Variants in SIN3A observed in about 807,000 individuals in gnomAD.
The protein encoded by SIN3A is paired amphipathic helix protein Sin3a.
Under a neutral mutation model 146.1 loss-of-function variants are expected in SIN3A, and 14 were observed. The observed-to-expected ratio is 0.10, with a 90% CI of 0.06 to 0.15. SIN3A has a LOEUF of 0.15. SIN3A is among the 10% of genes least tolerant of loss of function. The pLI is 1.00. For missense variants in SIN3A, 1,028 were observed against 1,576.0 expected (o/e 0.65, Z 5.89); for synonymous variants, 572 against 572.0 (o/e 1.00, Z 0.00).
At position 75,412,808 on chromosome 15, in the gene SIN3A, A is replaced by C. The variant is rs769538956; in HGVS notation, c.711T>G (p.Ala237=). The C allele has an allele frequency of 4.4e-6, 7 of 1,607,608 alleles. No homozygotes were observed. Among genetic ancestry groups the C allele is most frequent in the Middle Eastern group, 3.3e-4 (2 of 5,990 alleles). The change falls in exon 5 of 21, where the codon GCT becomes GCG. Residue 237 remains alanine, a synonymous_variant. Transcript: ENST00000394947. ...GGGGCTGAGGAGCTGGCTGGGCAGG[A>C]GCTGGGGCTGACTGGGCTGAAGGCT... ...PSQPSAQSAP[A]PAQPAPQPPP...
intron 19 of SIN3A, among the ~76,000 whole-genome samples, chr15:75,376,694 CAA>C (rs34480581): frequency 2.8e-5 from 4 of 141,738 alleles, no homozygotes; most frequent in Non-Finnish European, 1.6e-5. Context: ...CCCTTCTCTA[CAA>C]AAAAAAAAAA....
chr15:75,391,392 G>A (rs1480685022), intron 15 of SIN3A, among the ~76,000 whole-genome samples: 1 of 151,874 alleles, frequency 6.6e-6, no homozygotes, highest in African/African-American at 2.4e-5. Context: ...TATCTCTTTC[G>A]AGCTAGGACT....
At chr15:75,442,983 T>A (rs544791512) in intron 1 of SIN3A, among the ~76,000 whole-genome samples, 43 of 150,684 alleles carry the variant, frequency 2.9e-4, no homozygotes, top group African/African-American at 9.5e-4. Context: ...TAGGGTACAG[T>A]CACATATGTA....
chr15:75,441,304 AAAAAAAC>A (rs1030519898), intron 1 of SIN3A, among the ~76,000 whole-genome samples: 3 of 152,014 alleles, frequency 2.0e-5, no homozygotes, highest in African/African-American at 7.2e-5. Flanking sequence ...ACTCCGTCTC[AAAAAAAC>A]AAAAAACAAA....
intron 13 of SIN3A, among the ~76,000 whole-genome samples, chr15:75,395,539 A>T (rs554854845): frequency 1.1e-3 from 168 of 152,296 alleles, no homozygotes; most frequent in African/African-American, 3.8e-3. Context: ...AATAAGAATT[A>T]ATTTTTACCA....
chr15:75,413,143 C>CAAAAGAA, intron 4 of SIN3A, 98 bp from the exon 5 acceptor site: 1 of 1,227,650 alleles, frequency 8.1e-7, no homozygotes, highest in Non-Finnish European at 1.1e-6. Flanking sequence ...GACGGAGTCT[C>CAAAAGAA]ACTCTGTTGC....
chr15:75,411,876 A>C (rs889557453), intron 5 of SIN3A, 133 bp from the exon 6 acceptor site: 10 of 863,352 alleles, frequency 1.2e-5, no homozygotes, highest in Non-Finnish European at 1.7e-5. Flanking sequence ...ATTTTAGTCC[A>C]ACACAAATCA....
chr15:75,417,773 A>G (rs1595911715), intron 3 of SIN3A, among the ~76,000 whole-genome samples: 1 of 152,310 alleles, frequency 6.6e-6, no homozygotes, highest in East Asian at 1.9e-4. Context: ...GTCCCACAAA[A>G]TTCTTACATC....
At chr15:75,451,886 G>A (rs1189112838), upstream of SIN3A, 1 of 151,852 alleles carries the variant, frequency 6.6e-6, no homozygotes, top group Non-Finnish European at 1.5e-5. Flanking sequence ...CCTATTGGCG[G>A]GGAGCTTCCC....
At chr15:75,391,212 C>T (rs1383461184) in intron 15 of SIN3A, among the ~76,000 whole-genome samples, 1 of 152,102 alleles carries the variant, frequency 6.6e-6, no homozygotes, top group African/African-American at 2.4e-5. Context: ...GAGTCCAAAC[C>T]ACAGATTTGT....
chr15:75,418,900 G>A (rs570530358), intron 3 of SIN3A, among the ~76,000 whole-genome samples: 80 of 152,086 alleles, frequency 5.3e-4, no homozygotes, highest in Admixed American at 1.6e-3. Context: ...GACTACAGGC[G>A]CCCGCCACCA....
chr15:75,406,044 C>T (rs1312990476), intron 9 of SIN3A, among the ~76,000 whole-genome samples: 1 of 152,126 alleles, frequency 6.6e-6, no homozygotes, highest in African/African-American at 2.4e-5. Context: ...TCAGGAGATA[C>T]TAATCACGGA....
Position 75,412,976 on chromosome 15 carries a change from T to A in SIN3A, c.543A>T (p.Gly181=), listed in dbSNP as rs373822002. ...LFKGHPDLIM[G]FNTFLPPGYK... Reference sequence around the variant, plus strand: ...AGCCAGGGGGCAAGAAGGTGTTGAATCCCATTATCAGATCGGGGTGGCCTT... The same window carrying A: ...AGCCAGGGGGCAAGAAGGTGTTGAAACCCATTATCAGATCGGGGTGGCCTT... The change falls in exon 5 of 21, where the codon GGA becomes GGT. Residue 181 remains glycine, a synonymous_variant. Coordinates refer to ENST00000394947, the MANE Select transcript of SIN3A (RefSeq NM_001145358.2). The A allele has an allele frequency of 7.4e-6, 12 of 1,613,934 alleles. No individual in the cohort carries two copies. The highest frequency in any genetic ancestry group is 9.3e-6 in the Non-Finnish European group (11 of 1,180,006).
intron 1 of SIN3A, among the ~76,000 whole-genome samples, chr15:75,435,032 T>C (rs943074720): frequency 1.3e-5 from 2 of 151,536 alleles, no homozygotes; most frequent in Non-Finnish European, 1.5e-5. Context: ...GAAACACTGA[T>C]GGAGGAGGCT....
intron 1 of SIN3A, among the ~76,000 whole-genome samples, chr15:75,449,123 A>G (rs2141641565): frequency 6.6e-6 from 1 of 152,284 alleles, no homozygotes; most frequent in South Asian, 2.1e-4. Context: ...ATGTAGCCCA[A>G]ATTTTCCTCA....
At position 75,434,647 on chromosome 15, in the gene SIN3A, C is replaced by CA. The variant is rs557903926; in HGVS notation, c.-33-4240dup. Among the ~76,000 whole-genome samples, 816 of 122,918 alleles carry CA rather than the reference C, an allele frequency of 6.6e-3. 3 individuals are homozygous for CA. The highest frequency in any genetic ancestry group is 0.018 in the East Asian group (78 of 4,346). The allele number at this position is 122,918 out of a possible 152,430, so 80.6% of individuals were successfully genotyped here. On this transcript the variant is annotated intron_variant, in intron 1 of 20. Coordinates refer to ENST00000394947, the MANE Select transcript of SIN3A (RefSeq NM_001145358.2). ...CCTGGGCAATAGAGTGGAACTGTCT[C>CA]AAAAAAAAAAAAAATAAAAGGTCAG...
chr15:75,407,205 T>C, intron 8 of SIN3A, 61 bp from the exon 9 acceptor site: 1 of 1,173,160 alleles, frequency 8.5e-7, no homozygotes, highest in Admixed American at 1.9e-5. Flanking sequence ...AATTTTATTT[T>C]TGTCTGTATT....
chr15:75,402,653 T>C (rs2073432969), intron 9 of SIN3A, among the ~76,000 whole-genome samples: 1 of 152,182 alleles, frequency 6.6e-6, no homozygotes, highest in Non-Finnish European at 1.5e-5. Context: ...TTTTGTTTTT[T>C]AAACGCAGTC....
intron 12 of SIN3A, among the ~76,000 whole-genome samples, chr15:75,397,144 T>C (rs2073319994): frequency 6.6e-6 from 1 of 152,222 alleles, no homozygotes. Flanking sequence ...TTGAGTCTAC[T>C]TTTTCCCTAG....
Sources: allele counts gnomAD v4.1 joint callset (sites outside exome capture counted in the v4.1 genomes callset), GRCh38; gene constraint gnomAD v4.1.1; transcripts MANE v1.5; gene names NCBI Gene and HGNC (gene_info 2026-07-23, HGNC 2026-07-21).